MYCBP2: variants seen among roughly 807,000 people sequenced by gnomAD.
MYCBP2 encodes MYC binding protein 2, also known as E3 ubiquitin-protein ligase MYCBP2.
Under a neutral mutation model 525.3 loss-of-function variants are expected in MYCBP2, and 120 were observed. The observed-to-expected ratio is 0.23, with a 90% CI of 0.20 to 0.27. The LOEUF (loss-of-function observed/expected upper bound fraction) is 0.27, where lower values mean the gene tolerates loss of function less well. MYCBP2 is among the 10% of genes least tolerant of loss of function. MYCBP2 has a pLI of 1.00. For synonymous variants in MYCBP2, 1,894 were observed against 1,955.8 expected (o/e 0.97, Z 0.83); for missense variants, 4,149 against 5,657.1 (o/e 0.73, Z 8.55).
At chr13:77,212,235 TAGA>T in intron 21 of MYCBP2, 75 bp from the exon 22 acceptor site, 6 of 1,304,870 alleles carry the variant, frequency 4.6e-6, no homozygotes, top group Non-Finnish European at 4.2e-6. Context: ...AAGGAGGCAG[TAGA>T]TAAAAATCAA....
At chr13:77,164,687 TTCAG>T (rs2058332534) in intron 42 of MYCBP2, 146 bp from the exon 43 acceptor site, 1 of 598,028 alleles carries the variant, frequency 1.7e-6, no homozygotes, top group Non-Finnish European at 3.0e-6. Flanking sequence ...GTAGATGAGA[TTCAG>T]TACTCAATGT....
chr13:77,138,267 A>T (rs2054061716), intron 52 of MYCBP2, among the ~76,000 whole-genome samples: 1 of 152,204 alleles, frequency 6.6e-6, no homozygotes, highest in Admixed American at 6.5e-5. Context: ...AAAAAGAATG[A>T]GATCAATAAA....
chr13:77,204,857 A>G (rs1459579085), intron 26 of MYCBP2, among the ~76,000 whole-genome samples: 1 of 129,104 alleles, frequency 7.7e-6, no homozygotes, highest in Non-Finnish European at 1.6e-5. Context: ...ATGAGAACAC[A>G]TGGACACAGG....
chr13:77,152,439 T>TCC (rs2056609272), intron 46 of MYCBP2, among the ~76,000 whole-genome samples: 1 of 152,168 alleles, frequency 6.6e-6, no homozygotes, highest in Admixed American at 6.5e-5. Flanking sequence ...AGAAGGTGGT[T>TCC]CCCTGGCAAA....
chr13:77,125,044 T>G (rs1304890081), intron 54 of MYCBP2, among the ~76,000 whole-genome samples: 2 of 152,172 alleles, frequency 1.3e-5, no homozygotes, highest in Non-Finnish European at 2.9e-5. Context: ...AGTCCTGGAC[T>G]GGTACAGAAG....
At chr13:77,106,041 C>T (rs1166521497) in intron 55 of MYCBP2, among the ~76,000 whole-genome samples, 4 of 152,184 alleles carry the variant, frequency 2.6e-5, no homozygotes, top group Admixed American at 1.3e-4. Context: ...CAATAAGGAA[C>T]GCATTCTCAT....
chr13:77,203,421 CCATGCTCAT>C (rs1213202513), intron 26 of MYCBP2, among the ~76,000 whole-genome samples: 1 of 152,110 alleles, frequency 6.6e-6, no homozygotes, highest in Non-Finnish European at 1.5e-5. Context: ...GAAGAACATC[CCATGCTCAT>C]GGGTAGGAAG....
Position 77,171,517 on chromosome 13 carries a change from G to A in MYCBP2, c.5769C>T (p.Leu1923=). 6.2e-7 allele frequency: 1 copy of A among 1,614,066 alleles called. No homozygotes were observed. Among genetic ancestry groups the A allele is most frequent in the Non-Finnish European group, 8.5e-7 (1 of 1,179,974 alleles). Residue 1923 remains leucine (L), a synonymous_variant, in exon 38 of 83, where the codon CTC becomes CTT. Transcript: ENST00000544440. ...VSTVVRASKD[L]LHRALAVDAD... ...CATCCACAGCAAGAGCTCTGTGCAGGAGGTCCTTAGAGGCTCGAACGACAG... is the reference window on the plus strand; with the variant it reads ...CATCCACAGCAAGAGCTCTGTGCAGAAGGTCCTTAGAGGCTCGAACGACAG...
intron 18 of MYCBP2, among the ~76,000 whole-genome samples, chr13:77,227,203 AAG>A (rs1050881950): frequency 2.0e-5 from 3 of 152,092 alleles, no homozygotes; most frequent in African/African-American, 7.2e-5. Context: ...TTACTCAAAA[AAG>A]ATCACAAATA....
chr13:77,128,410 C>T (rs2052088145), intron 52 of MYCBP2, among the ~76,000 whole-genome samples: 1 of 151,804 alleles, frequency 6.6e-6, no homozygotes, highest in Admixed American at 6.6e-5. Flanking sequence ...AATAATATTC[C>T]TAGTGCATTT....
intron 55 of MYCBP2, among the ~76,000 whole-genome samples, chr13:77,106,739 A>T (rs1371229703): frequency 1.3e-5 from 2 of 150,738 alleles, no homozygotes; most frequent in African/African-American, 4.9e-5. Flanking sequence ...TTTCTTTCCA[A>T]TTTTTTTCTT....
chr13:77,174,601 G>A (rs2059434618), intron 36 of MYCBP2, 112 bp from the exon 37 acceptor site: 1 of 762,192 alleles, frequency 1.3e-6, no homozygotes, highest in Non-Finnish European at 2.1e-6. Flanking sequence ...CATATTTACA[G>A]ATGATATAAT....
At chr13:77,245,827 C>CAT (rs1447496265) in intron 15 of MYCBP2, among the ~76,000 whole-genome samples, 2 of 144,574 alleles carry the variant, frequency 1.4e-5, no homozygotes, top group Non-Finnish European at 3.0e-5. Context: ...AAAAATAATA[C>CAT]ATATATATGT....
chr13:77,190,142 T>C, intron 29 of MYCBP2, 110 bp downstream of exon 29: 1 of 562,278 alleles, frequency 1.8e-6, no homozygotes, highest in South Asian at 3.1e-5. Context: ...TATTATAATT[T>C]GCTGAATGCT....
chr13:77,286,569 C>T (rs561548475), intron 3 of MYCBP2, among the ~76,000 whole-genome samples: 6 of 149,202 alleles, frequency 4.0e-5, no homozygotes, highest in African/African-American at 4.9e-5. Context: ...CCGGCTAACA[C>T]GGTGAAACCC....
At chr13:77,287,234 G>T (rs544987710) in intron 3 of MYCBP2, among the ~76,000 whole-genome samples, 1 of 147,010 alleles carries the variant, frequency 6.8e-6, no homozygotes, top group African/African-American at 2.5e-5. Flanking sequence ...CACCCAGGCC[G>T]GAGTGCAATG....
chr13:77,187,171 T>C (rs1411039463), intron 30 of MYCBP2, among the ~76,000 whole-genome samples: 4 of 152,130 alleles, frequency 2.6e-5, no homozygotes, highest in African/African-American at 9.7e-5. Flanking sequence ...TACAATTACC[T>C]AATGGCCACA....
chr13:77,116,861 C>T (rs1482057108), intron 55 of MYCBP2, among the ~76,000 whole-genome samples: 2 of 151,964 alleles, frequency 1.3e-5, no homozygotes, highest in Admixed American at 1.3e-4. Flanking sequence ...GGTAATTATG[C>T]TTGTTTTTGT....
chr13:77,221,688 TAAC>T (rs539858730), intron 20 of MYCBP2, among the ~76,000 whole-genome samples: 37 of 152,152 alleles, frequency 2.4e-4, no homozygotes, highest in Admixed American at 2.1e-3. Flanking sequence ...ACCAGCTAAA[TAAC>T]AACAACAATA....
Sources: gnomAD v4.1 joint callset for allele counts (sites outside exome capture counted in the v4.1 genomes callset) on GRCh38, gnomAD v4.1.1 for gene constraint, MANE v1.5 for transcripts, NCBI Gene and HGNC (gene_info 2026-07-23, HGNC 2026-07-21) for gene names.